Variants in KHDRBS2 observed in about 807,000 individuals in gnomAD.
The protein encoded by KHDRBS2 is KH domain-containing, RNA-binding, signal transduction-associated protein 2.
A neutral mutation model predicts 44.3 loss-of-function variants in KHDRBS2; 26 were observed. That is an observed-to-expected ratio of 0.59 (90% confidence interval 0.43 to 0.81). The LOEUF is 0.81. Ranked by LOEUF, KHDRBS2 falls within the 40% of genes least tolerant of loss-of-function variation. The probability of loss-of-function intolerance (pLI) is 0.00; values close to 1 mark genes in which losing one functional copy is unlikely to be tolerated. For synonymous variants in KHDRBS2, 194 were observed against 151.1 expected, an observed-to-expected ratio of 1.28 and a Z score of -2.08; for missense variants, 476 against 433.1, an observed-to-expected ratio of 1.10 and a Z score of -0.88.
chr6:61,573,728 G>T, the KHDRBS2 span, among the ~76,000 whole-genome samples: 1 of 151,948 alleles, frequency 6.6e-6, no homozygotes, highest in Admixed American at 6.6e-5. Flanking sequence ...GGTGGAGGTT[G>T]CAGTGAGCTG....
At chr6:61,689,872 C>T (rs962599616) in intron 8 of KHDRBS2, among the ~76,000 whole-genome samples, 4 of 151,888 alleles carry the variant, frequency 2.6e-5, no homozygotes, top group African/African-American at 9.7e-5. Context: ...TGTATATATA[C>T]AGATATACAT....
At chr6:62,089,158 C>T (rs1305829730) in intron 2 of KHDRBS2, among the ~76,000 whole-genome samples, 1 of 150,996 alleles carries the variant, frequency 6.6e-6, no homozygotes, top group Admixed American at 6.6e-5. Context: ...TTGCTAGGCT[C>T]TGTGGGGGTG....
the KHDRBS2 span, among the ~76,000 whole-genome samples, chr6:61,620,117 T>A: frequency 2.0e-4 from 31 of 152,120 alleles, 1 homozygote; most frequent in East Asian, 1.9e-3. Context: ...TTTATTTGCC[T>A]AAATCAGTTT....
chr6:62,216,573 C>T (rs1830007848), intron 1 of KHDRBS2, among the ~76,000 whole-genome samples: 1 of 151,504 alleles, frequency 6.6e-6, no homozygotes, highest in East Asian at 1.9e-4. Flanking sequence ...AAGTGAAGTT[C>T]CACAGGAGTC....
At chr6:62,177,123 A>T (rs1367722989) in intron 2 of KHDRBS2, 62 bp downstream of exon 2, 32 of 989,376 alleles carry the variant, frequency 3.2e-5, no homozygotes, top group Non-Finnish European at 4.0e-5. Flanking sequence ...AATAATTAAA[A>T]TACCGTCTTC....
intron 1 of KHDRBS2, among the ~76,000 whole-genome samples, chr6:62,194,602 G>T (rs1825290720): frequency 7.0e-6 from 1 of 142,520 alleles, no homozygotes; most frequent in African/African-American, 2.6e-5. Context: ...CCATTTCAAG[G>T]GATCCTCCTG....
At chr6:61,860,155 C>T (rs1796713658) in intron 6 of KHDRBS2, among the ~76,000 whole-genome samples, 2 of 151,852 alleles carry the variant, frequency 1.3e-5, no homozygotes, top group Non-Finnish European at 2.9e-5. Flanking sequence ...AAAAATAAAT[C>T]CATACTTAGA....
At chr6:62,131,987 C>T (rs1810440074) in intron 2 of KHDRBS2, among the ~76,000 whole-genome samples, 1 of 152,138 alleles carries the variant, frequency 6.6e-6, no homozygotes, top group Admixed American at 6.5e-5. Flanking sequence ...GGATAGAAAT[C>T]AGTGAAATCA....
intron 7 of KHDRBS2, among the ~76,000 whole-genome samples, chr6:61,723,146 C>T (rs1344852045): frequency 7.6e-6 from 1 of 131,040 alleles, no homozygotes; most frequent in Non-Finnish European, 1.6e-5. Flanking sequence ...GACAAGTGGC[C>T]TGACCATAAA....
At chr6:61,858,949 C>A (rs1284867317) in intron 6 of KHDRBS2, among the ~76,000 whole-genome samples, 1 of 151,760 alleles carries the variant, frequency 6.6e-6, no homozygotes, top group Non-Finnish European at 1.5e-5. Flanking sequence ...AAAATTACTT[C>A]TACACATGGA....
intron 7 of KHDRBS2, among the ~76,000 whole-genome samples, chr6:61,720,015 G>T (rs979698684): frequency 6.6e-6 from 1 of 152,024 alleles, no homozygotes; most frequent in African/African-American, 2.4e-5. Context: ...ACCTATGAGT[G>T]AGAATATGCG....
the KHDRBS2 span, among the ~76,000 whole-genome samples, chr6:61,641,346 A>T: frequency 6.6e-6 from 1 of 152,100 alleles, no homozygotes; most frequent in Non-Finnish European, 1.5e-5. Flanking sequence ...AGTATTTCAG[A>T]CCTCACAAAT....
At chr6:61,901,548 C>T (rs1168494248) in intron 4 of KHDRBS2, among the ~76,000 whole-genome samples, 177 bp from the exon 5 acceptor site, 1 of 151,824 alleles carries the variant, frequency 6.6e-6, no homozygotes, top group Non-Finnish European at 1.5e-5. Flanking sequence ...CTTTAAATTC[C>T]TATTTTTATA....
intron 7 of KHDRBS2, among the ~76,000 whole-genome samples, chr6:61,711,364 C>T (rs1770487778): frequency 6.6e-6 from 1 of 151,588 alleles, no homozygotes; most frequent in Non-Finnish European, 1.5e-5. Flanking sequence ...AACTAGTATC[C>T]TGTTTTAAGA....
rs550393539 is a variant in KHDRBS2 at position 62,181,638 on chromosome 6, A to T, written c.92-4326T>A. Among the ~76,000 whole-genome samples, 5 of 151,898 alleles carry T rather than the reference A, an allele frequency of 3.3e-5. No individual in the cohort carries two copies. In the East Asian group the frequency reaches 9.7e-4, roughly 29 times the overall value. On this transcript the variant is annotated intron_variant, in intron 1 of 8. Transcript: ENST00000281156. ...ATGAAAAACAGTATAGAGATTCCTT[A>T]AAAAAAATTAACCTACCATATGACC...
At chr6:61,619,910 G>A in the KHDRBS2 span, among the ~76,000 whole-genome samples, 1 of 152,090 alleles carries the variant, frequency 6.6e-6, no homozygotes, top group Non-Finnish European at 1.5e-5. Context: ...TTCATATAAT[G>A]AGAAAATGTC....
intron 6 of KHDRBS2, among the ~76,000 whole-genome samples, chr6:61,789,177 T>C (rs917881137): frequency 6.6e-6 from 1 of 151,426 alleles, no homozygotes; most frequent in African/African-American, 2.4e-5. Context: ...TTTGAAAAGT[T>C]ATATATCTAC....
At chr6:61,921,039 A>G (rs1364425610) in intron 4 of KHDRBS2, among the ~76,000 whole-genome samples, 1 of 152,024 alleles carries the variant, frequency 6.6e-6, no homozygotes, top group Non-Finnish European at 1.5e-5. Context: ...AGGTAAAGAA[A>G]AGTTTGAAAG....
chr6:61,610,783 A>G, the KHDRBS2 span, among the ~76,000 whole-genome samples: 1 of 152,242 alleles, frequency 6.6e-6, no homozygotes, highest in African/African-American at 2.4e-5. Context: ...AAGTAGCTAC[A>G]ACCCTTATTC....
Sources: gnomAD v4.1 joint callset for allele counts (sites outside exome capture counted in the v4.1 genomes callset) on GRCh38, gnomAD v4.1.1 for gene constraint, MANE v1.5 for transcripts, NCBI Gene and HGNC (gene_info 2026-07-23, HGNC 2026-07-21) for gene names.